The following DEAF1 variants were observed in gnomAD, a reference collection of about 807,000 sequenced individuals.
DEAF1 encodes the protein deformed epidermal autoregulatory factor 1 homolog.
In DEAF1, 53 loss-of-function variants were observed where a neutral mutation model predicts 58.9. The observed-to-expected ratio is 0.90, with a 90% CI of 0.72 to 1.13. DEAF1 has a LOEUF of 1.13. Ranked by LOEUF, DEAF1 falls within the 50% of genes most tolerant of loss-of-function variation. The pLI is 0.00. For missense variants in DEAF1, 685 were observed against 791.4 expected (o/e 0.87, Z 1.61); for synonymous variants, 385 against 340.4 (o/e 1.13, Z -1.44).
intron 10 of DEAF1, among the ~76,000 whole-genome samples, chr11:668,500 C>G (rs1859657358): frequency 6.6e-6 from 1 of 152,070 alleles, no homozygotes; most frequent in African/African-American, 2.4e-5. Flanking sequence ...GCAACCTCTA[C>G]CCCTGGGCTC....
In DEAF1 at chr11:644,396, G is replaced by A. The variant is rs1434216490; in HGVS notation, c.*154C>T. 3.9e-5 allele frequency: 27 copies of A among 692,882 alleles called. No individual in the cohort carries two copies. The highest frequency in any genetic ancestry group is 2.3e-4 in the Admixed American group (11 of 48,034). 42.9% of individuals were successfully genotyped at this position (692,882 alleles called of 1,614,324 possible). A position where few individuals can be genotyped will look rare whatever the true frequency, so the allele number is the denominator to read the frequency against. On this transcript the variant is annotated 3_prime_UTR_variant, in exon 12 of 12. Transcript: ENST00000382409. The surrounding 1 kb of genome is among the most constrained non-coding windows in gnomAD (Gnocchi z 4.3). ...GAGTGCGCTTCCCAGGGCACCATTC[G>A]CTTAAAGTGTGTTAATGACTTGTCC...
rs1858376285 is a variant in DEAF1 at position 644,348 on chromosome 11, C to T, written c.*202G>A. On this transcript the variant is annotated 3_prime_UTR_variant, in exon 12 of 12. Transcript: ENST00000382409. The surrounding 1 kb of genome is among the most constrained non-coding windows in gnomAD (Gnocchi z 4.3). ...CAGGGATAAAAAATCTGTCCGCGAG[C>T]GGGCAGGGGGCCCGGGCAGGGGGAG... The T allele has an allele frequency of 1.8e-5, 11 of 625,706 alleles. No individual in the cohort carries two copies. The highest frequency in any genetic ancestry group is 2.5e-5 in the Admixed American group (1 of 40,738). 38.8% of individuals were successfully genotyped at this position (625,706 alleles called of 1,614,324 possible).
chr11:700,646 GGT>G, intron 1 of DEAF1: 1 of 1,614,128 alleles, frequency 6.2e-7, no homozygotes, highest in Non-Finnish European at 8.5e-7. Flanking sequence ...ACCGCTACCT[GGT>G]CCTCGATCTT....
At chr11:674,091 A>C in intron 10 of DEAF1, 1 of 266,958 alleles carries the variant, frequency 3.7e-6, no homozygotes, top group Non-Finnish European at 7.4e-6. Context: ...AGAAGCTGGG[A>C]GGGCTTTGTG....
upstream of DEAF1, chr11:695,803 C>T: frequency 1.6e-6 from 2 of 1,234,368 alleles, no homozygotes; most frequent in Middle Eastern, 2.7e-4. Flanking sequence ...GGGATCGCGA[C>T]GGACCGGCGG....
intron 10 of DEAF1, among the ~76,000 whole-genome samples, chr11:670,769 TTGTTTTTG>T (rs1859780072): frequency 6.5e-5 from 5 of 77,018 alleles, no homozygotes; most frequent in African/African-American, 1.5e-4. Context: ...TTTTTTCTTT[TTGTTTTTG>T]TTTTTTTTTT....
chr11:674,212 A>G, intron 10 of DEAF1: 2 of 372,516 alleles, frequency 5.4e-6, no homozygotes, highest in South Asian at 2.2e-5. Flanking sequence ...ATAAAATATA[A>G]GCACATTTCA....
At chr11:673,942 G>A (rs1357587128) in intron 10 of DEAF1, 4 of 169,624 alleles carry the variant, frequency 2.4e-5, no homozygotes, top group Non-Finnish European at 5.1e-5. Context: ...ATGAAGTAGA[G>A]ACTCCATATG....
At chr11:653,599 C>CTG (rs1858898389) in intron 11 of DEAF1, among the ~76,000 whole-genome samples, 2 of 145,708 alleles carry the variant, frequency 1.4e-5, no homozygotes, top group East Asian at 4.1e-4. Context: ...AATAGAGGAA[C>CTG]TGTGGACAGT....
chr11:654,553 C>A, intron 10 of DEAF1: 1 of 455,398 alleles, frequency 2.2e-6, no homozygotes, highest in South Asian at 1.5e-5. Flanking sequence ...GGCCTCAGTG[C>A]AGTTTGCCCC....
chr11:704,582 C>T (rs918569023), intron 1 of DEAF1: 24 of 1,281,728 alleles, frequency 1.9e-5, no homozygotes, highest in African/African-American at 7.6e-5. Flanking sequence ...ACCCAGCCCA[C>T]AAACCATGCA....
chr11:683,510 G>A (rs193248932), intron 6 of DEAF1, among the ~76,000 whole-genome samples: 84 of 152,180 alleles, frequency 5.5e-4, no homozygotes, highest in African/African-American at 1.9e-3. Flanking sequence ...TCACGAGCCC[G>A]TAAGTCTTAA....
chr11:694,982 C>T lies in DEAF1; in HGVS notation c.66G>A (p.Ala22=). ...GLAEAAAVAA[A]AAVAAAAAAA... is the part of the protein sequence containing the mutation. ...CCGCGGCCGCCGCCGCCACAGCGGC[C>T]GCGGCCGCCACCGCCGCCGCCTCAG... The change falls in exon 1 of 12, where the codon GCG becomes GCA. Residue 22 remains alanine, a synonymous_variant. Transcript: ENST00000382409. 1 of 1,176,574 alleles carries T rather than the reference C, an allele frequency of 8.5e-7. No homozygotes were observed. The highest frequency in any genetic ancestry group is 1.0e-6 in the Non-Finnish European group (1 of 952,510). 72.9% of individuals were successfully genotyped at this position (1,176,574 alleles called of 1,614,324 possible). A position where few individuals can be genotyped will look rare whatever the true frequency, so the allele number is the denominator to read the frequency against.
At chr11:701,699 G>A (rs12362292) in intron 1 of DEAF1, among the ~76,000 whole-genome samples, 82,618 of 151,626 alleles carry the variant, frequency 0.54, 22,716 homozygotes, top group East Asian at 0.81. Flanking sequence ...GTGAGCCACC[G>A]CGCCCGGCCG....
chr11:705,721 TGGGGCACCTGAGG>T (rs2133485658), intron 1 of DEAF1, among the ~76,000 whole-genome samples: 1 of 152,282 alleles, frequency 6.6e-6, no homozygotes, highest in African/African-American at 2.4e-5. Context: ...GCCCCATGCC[TGGGGCACCTGAGG>T]GGTGCACCTG....
At chr11:684,694 C>T (rs1860513108) in intron 6 of DEAF1, among the ~76,000 whole-genome samples, 1 of 152,208 alleles carries the variant, frequency 6.6e-6, no homozygotes, top group Non-Finnish European at 1.5e-5. Flanking sequence ...TGGGGGCCAA[C>T]CACGTGTTCC....
At position 694,780 on chromosome 11, in the gene DEAF1, C is replaced by T; in HGVS notation, c.268G>A (p.Ala90Thr). Residue 90 changes from alanine to threonine, a missense_variant, in exon 1 of 12, where the codon GCC becomes ACC. Around this residue, in one of 3 missense-constraint regions of DEAF1, gnomAD observed 210 missense variants for 177.3 expected, o/e 1.18. Coordinates refer to ENST00000382409, the MANE Select transcript of DEAF1 (RefSeq NM_021008.4). ...TTGCCTGCGAAGGCTGCGGCAGCGG[C>T]GGCCTCGTCGGGGCCGGGCAGGGCC... ...AEALPGPDEA[A>T]AAAAFAEVTT... 1 of 1,333,306 alleles carries T rather than the reference C, an allele frequency of 7.5e-7. No homozygotes were observed. Among genetic ancestry groups the T allele is most frequent in the South Asian group, 2.0e-5 (1 of 50,876 alleles). The allele number at this position is 1,333,306 out of a possible 1,614,324, so 82.6% of individuals were successfully genotyped here. A position where few individuals can be genotyped will look rare whatever the true frequency, so the allele number is the denominator to read the frequency against.
In DEAF1 at chr11:644,797, G is replaced by A. The variant is rs911104727; in HGVS notation, c.1594-143C>T. On this transcript the variant is annotated intron_variant, in intron 11 of 11. Coordinates refer to ENST00000382409, the MANE Select transcript of DEAF1 (RefSeq NM_021008.4). This position sits in a 1 kb window ranked among gnomAD's most constrained non-coding sequence, Gnocchi z 4.3. ...AGAATGCCCTCCCCAGCCCCCGTGC[G>A]CCCAAACTCTGGTGGGCTCTGCTCC... The A allele has an allele frequency of 6.9e-5, 49 of 705,548 alleles. 1 individual carries two copies. Among genetic ancestry groups the A allele is most frequent in the African/African-American group, 5.4e-4 (31 of 57,242 alleles). 43.7% of individuals were successfully genotyped at this position (705,548 alleles called of 1,614,324 possible). A position where few individuals can be genotyped will look rare whatever the true frequency, so the allele number is the denominator to read the frequency against.
upstream of DEAF1, chr11:699,964 C>T: frequency 3.5e-6 from 2 of 578,626 alleles, no homozygotes; most frequent in South Asian, 4.0e-5. Flanking sequence ...CATGGGACCA[C>T]ATTGGCAGCC....
Sources: gnomAD v4.1 joint callset for allele counts (sites outside exome capture counted in the v4.1 genomes callset) on GRCh38, gnomAD v4.1.1 for gene constraint, gnomAD v4.1.1 regional missense constraint, Gnocchi (gnomAD v3.1) non-coding constraint, MANE v1.5 for transcripts, NCBI Gene and HGNC (gene_info 2026-07-23, HGNC 2026-07-21) for gene names.